KRT28: variants seen among roughly 807,000 people sequenced by gnomAD.
KRT28 encodes the protein keratin, type I cytoskeletal 28.
Under a neutral mutation model 48.1 loss-of-function variants are expected in KRT28, and 45 were observed. The observed-to-expected ratio is 0.94, with a 90% CI of 0.74 to 1.20. KRT28 has a LOEUF of 1.20. KRT28 is among the 50% of genes most tolerant of loss of function. The probability of loss-of-function intolerance (pLI) is 0.00; values close to 1 mark genes in which losing one functional copy is unlikely to be tolerated. For missense variants in KRT28, 571 were observed against 574.1 expected (o/e 0.99, Z 0.06); for synonymous variants, 228 against 227.4 (o/e 1.00, Z -0.03).
intron 5 of KRT28, 28 bp downstream of exon 5, chr17:40,796,888 A>G: frequency 6.4e-7 from 1 of 1,555,700 alleles, no homozygotes; most frequent in Non-Finnish European, 8.7e-7. Flanking sequence ...GAATCACAGG[A>G]TCCAGGCTGA....
chr17:40,798,092 G>T, intron 3 of KRT28, 143 bp downstream of exon 3: 2 of 687,350 alleles, frequency 2.9e-6, no homozygotes, highest in Non-Finnish European at 2.4e-6. Context: ...GTAGTAGGTA[G>T]TATTATTAGA....
Position 40,792,430 on chromosome 17 carries a change from G to C in KRT28, c.1392C>G (p.Phe464Leu). 2.5e-6 allele frequency: 4 copies of C among 1,607,682 alleles called. No individual in the cohort carries two copies. The highest frequency in any genetic ancestry group is 1.7e-6 in the Non-Finnish European group (2 of 1,177,438). ...TNGKTEQRVP[F>L] is the part of the protein sequence containing the mutation. Reference sequence around the variant, plus strand: ...ATTCTTTTCTCTAAAATGACAGCTAGAAAGGAACCCTTTGTTCTGTCTTGC... The same window carrying C: ...ATTCTTTTCTCTAAAATGACAGCTACAAAGGAACCCTTTGTTCTGTCTTGC... The change falls in exon 8 of 8, where the codon TTC (phenylalanine) becomes TTG (leucine). Residue 464 changes from phenylalanine to leucine, a missense_variant. Transcript: ENST00000306658.
chr17:40,798,892 A>G, intron 2 of KRT28, 25 bp downstream of exon 2: 1 of 1,472,642 alleles, frequency 6.8e-7, no homozygotes, highest in Non-Finnish European at 9.4e-7. Context: ...TTTTTTCTAG[A>G]GCAGGATTTT....
rs774390408 is a variant in KRT28 at position 40,793,219 on chromosome 17, G to T, written c.1197-9C>A. The T allele has an allele frequency of 3.3e-6, 5 of 1,514,492 alleles. No individual in the cohort carries two copies. The highest frequency in any genetic ancestry group is 2.9e-5 in the African/African-American group (2 of 69,592). 93.8% of individuals were successfully genotyped at this position (1,514,492 alleles called of 1,614,324 possible). ...TTGATTTGGAGCATGAACTGTAAAA[G>T]AAATATAGTTTATTCTTTTATATTT... On this transcript the variant is annotated splice_polypyrimidine_tract_variant and intron_variant, in intron 6 of 7. Coordinates refer to ENST00000306658, the MANE Select transcript of KRT28 (RefSeq NM_181535.3).
chr17:40,796,789 T>C, intron 5 of KRT28, 127 bp downstream of exon 5: 1 of 1,281,116 alleles, frequency 7.8e-7, no homozygotes, highest in Non-Finnish European at 1.1e-6. Flanking sequence ...CCTGCTCTCC[T>C]CCACTCTCTC....
rs762673749 is a variant in KRT28 at position 40,798,296 on chromosome 17, T to TG, written c.628dup (p.Gln210ProfsTer6). The TG allele has an allele frequency of 3.1e-6, 5 of 1,613,520 alleles. No homozygotes were observed. In the South Asian group the frequency reaches 5.5e-5, roughly 18 times the overall value. On this transcript the variant is annotated frameshift_variant, in exon 3 of 8. Transcript: ENST00000306658. LOFTEE classifies it high-confidence loss of function. ...ACTCAGAGACTCATATTGCAGCTCC[T>TG]GGTCGGTCCTGCAGAGCGTCAGCTC... is the stretch of plus-strand genomic sequence containing the variant.
At chr17:40,793,294 G>A (rs1904533400) in intron 6 of KRT28, 84 bp from the exon 7 acceptor site, 1 of 873,924 alleles carries the variant, frequency 1.1e-6, no homozygotes, top group Non-Finnish European at 1.7e-6. Flanking sequence ...AATGAAATTT[G>A]TATGCCAAAA....
intron 5 of KRT28, 152 bp from the exon 6 acceptor site, chr17:40,794,198 AT>A (rs1402788969): frequency 3.2e-6 from 3 of 942,488 alleles, no homozygotes; most frequent in Non-Finnish European, 4.7e-6. Context: ...GGAGGCTGGC[AT>A]TTATGAAGTG....
chr17:40,793,594 T>C (rs534663061), intron 6 of KRT28, among the ~76,000 whole-genome samples: 3 of 152,228 alleles, frequency 2.0e-5, no homozygotes, highest in Non-Finnish European at 4.4e-5. Flanking sequence ...GTGATTAACA[T>C]GGACAACAGA....
In KRT28 at chr17:40,797,210, G is replaced by T. The variant is rs1455859872; in HGVS notation, c.762C>A (p.Asp254Glu). Residue 254 changes from aspartate to glutamate, a missense_variant, in exon 4 of 8, where the codon GAC becomes GAA. Physicochemically the swap from Asp to Glu is conservative, Grantham distance 45. Coordinates refer to ENST00000306658, the MANE Select transcript of KRT28 (RefSeq NM_181535.3). ...NVEMNAAPGVDLAVLLNNMRA... is the reference protein window; with the variant it reads ...NVEMNAAPGVELAVLLNNMRA... ...GCATGTTGTTCAACAAAACCGCGAG[G>T]TCTACCCCCGGGGCCGCGTTCATCT... 1 of 1,614,084 alleles carries T rather than the reference G, an allele frequency of 6.2e-7. No individual in the cohort carries two copies.
In KRT28 at chr17:40,797,050, C is replaced by A; in HGVS notation, c.853-9G>T. ...TGCTGCAGCGAGGCGCTCTGTAGGG[C>A]CGGGAAAAAGGGTCACACGGAGTCC... On this transcript the variant is annotated splice_polypyrimidine_tract_variant and intron_variant, in intron 4 of 7. Coordinates refer to ENST00000306658, the MANE Select transcript of KRT28 (RefSeq NM_181535.3). 6.2e-7 allele frequency: 1 copy of A among 1,609,464 alleles called. No homozygotes were observed. Among genetic ancestry groups the A allele is most frequent in the Non-Finnish European group, 8.5e-7 (1 of 1,177,508 alleles).
chr17:40,798,819 T>G, intron 2 of KRT28, 98 bp downstream of exon 2: 1 of 754,976 alleles, frequency 1.3e-6, no homozygotes, highest in Non-Finnish European at 2.3e-6. Flanking sequence ...ATCTTTTAGG[T>G]GATAGTTCAT....
At position 40,797,288 on chromosome 17, in the gene KRT28, A is replaced by G. The variant is rs3813038; in HGVS notation, c.691-7T>C. ...ACTGCAGAGCCTTCATCTCCTGGAG[A>G]GAAGCAAGAGTGTGGCTTTAGGGGC... On this transcript the variant is annotated splice_region_variant and splice_polypyrimidine_tract_variant and intron_variant, in intron 3 of 7. Coordinates refer to ENST00000306658, the MANE Select transcript of KRT28 (RefSeq NM_181535.3). 1,089,709 of 1,610,552 alleles carry G rather than the reference A, an allele frequency of 0.68. 373,782 individuals are homozygous for G. Among genetic ancestry groups the G allele is most frequent in the African/African-American group, 0.9 (67,308 of 74,928 alleles).
Position 40,797,133 on chromosome 17 carries a change from C to T in KRT28, c.839G>A (p.Trp280Ter), listed in dbSNP as rs1375349951. 4 of 1,613,902 alleles carry T rather than the reference C, an allele frequency of 2.5e-6. No individual in the cohort carries two copies. The highest frequency in any genetic ancestry group is 2.2e-5 in the East Asian group (1 of 44,868). ...GGCCCACCTCACCTTCTCATTGAAC[C>T]AGGCCTCCGCGTCCTTGCGGTTCTG... ...AEQNRKDAEA[W>*]FNEKSASLQQ... is the part of the protein sequence containing the mutation. The change falls in exon 4 of 8, where the codon TGG (tryptophan) becomes TAG (stop). Residue 280 changes from tryptophan (W) to a stop codon, truncating the protein, a stop_gained. Coordinates refer to ENST00000306658, the MANE Select transcript of KRT28 (RefSeq NM_181535.3). LOFTEE classifies it high-confidence loss of function.
At chr17:40,793,792 A>G (rs1904546007) in intron 6 of KRT28, 37 bp downstream of exon 6, 4 of 1,604,628 alleles carry the variant, frequency 2.5e-6, no homozygotes, top group African/African-American at 1.3e-5. Flanking sequence ...GTAGCTTAAA[A>G]GAGGTAAAAA....
In KRT28 at chr17:40,799,753, A is replaced by G; in HGVS notation, c.141T>C (p.Cys47=). 6.2e-7 allele frequency: 1 copy of G among 1,613,920 alleles called. No homozygotes were observed. Residue 47 remains cysteine, a synonymous_variant, in exon 1 of 8, where the codon TGT becomes TGC. Transcript: ENST00000306658. ...GGSVAGSEFS[C]ALGGGLGSVP... is the part of the protein sequence containing the mutation. ...CACTGCCCAAGCCCCCTCCCAAGGC[A>G]CAGGAAAATTCACTTCCAGCAACAG...
rs770570549 is a variant in KRT28 at position 40,793,190 on chromosome 17, C to T, written c.1217G>A (p.Gly406Asp). Residue 406 changes from glycine to aspartate, a missense_variant, in exon 7 of 8, where the codon GGC (glycine) becomes GAC (aspartate). By Grantham distance (94) the Gly-to-Asp change is moderately conservative (BLOSUM62 -1). Coordinates refer to ENST00000306658, the MANE Select transcript of KRT28 (RefSeq NM_181535.3). ...ATTCCCAGGGCTTCCTGATCCAAAGCCCTTTGATTTGGAGCATGAACTGTA... is the reference window on the plus strand; with the variant it reads ...ATTCCCAGGGCTTCCTGATCCAAAGTCCTTTGATTTGGAGCATGAACTGTA... ...GDGNSCSKSK[G>D]FGSGSPGNSS... 4.5e-6 allele frequency: 7 copies of T among 1,566,982 alleles called. 1 individual carries two copies. The South Asian group carries it at 5.9e-5, about 13-fold the overall frequency.
At chr17:40,794,652 CTT>C (rs1175610609) in intron 5 of KRT28, among the ~76,000 whole-genome samples, 1 of 152,212 alleles carries the variant, frequency 6.6e-6, no homozygotes, top group Non-Finnish European at 1.5e-5. Context: ...CGACACTACT[CTT>C]ATGAATATCA....
rs777431536 is a variant in KRT28 at position 40,793,813 on chromosome 17, A to G, written c.1196+16T>C. ...TAAAAGAGGTAAAAACTGGATTTTCAAATGGCTTTACTTACTTTCCATCTC... is the reference window on the plus strand; with the variant it reads ...TAAAAGAGGTAAAAACTGGATTTTCGAATGGCTTTACTTACTTTCCATCTC... On this transcript the variant is annotated intron_variant, in intron 6 of 7. Transcript: ENST00000306658. 6.2e-6 allele frequency: 10 copies of G among 1,613,638 alleles called. No homozygotes were observed. The highest frequency in any genetic ancestry group is 8.5e-6 in the Non-Finnish European group (10 of 1,179,538).
Sources: gnomAD v4.1 joint callset for allele counts (sites outside exome capture counted in the v4.1 genomes callset) on GRCh38, gnomAD v4.1.1 for gene constraint, MANE v1.5 for transcripts, NCBI Gene and HGNC (gene_info 2026-07-23, HGNC 2026-07-21) for gene names.